The following TCF12 variants were observed in gnomAD, a reference collection of about 807,000 sequenced individuals.
The protein encoded by TCF12 is transcription factor 12, also known as DNA-binding protein HTF4.
A neutral mutation model predicts 86.0 loss-of-function variants in TCF12; 45 were observed. The observed-to-expected ratio is 0.52, with a 90% CI of 0.41 to 0.67. The LOEUF is 0.67. Ranked by LOEUF, TCF12 falls within the 30% of genes least tolerant of loss-of-function variation. The probability of loss-of-function intolerance (pLI) is 0.00; values close to 1 mark genes in which losing one functional copy is unlikely to be tolerated. For synonymous variants in TCF12, 330 were observed against 299.6 expected (o/e 1.10, Z -1.05); for missense variants, 881 against 859.9 (o/e 1.02, Z -0.31).
chr15:56,923,496 A>G (rs578017354), intron 3 of TCF12, among the ~76,000 whole-genome samples: 22 of 152,236 alleles, frequency 1.4e-4, no homozygotes, highest in African/African-American at 4.6e-4. Context: ...ACTTGGTATG[A>G]TAGGCTCTGT....
intron 3 of TCF12, among the ~76,000 whole-genome samples, chr15:57,002,610 T>C (rs192875861): frequency 4.6e-5 from 7 of 152,328 alleles, no homozygotes; most frequent in Admixed American, 4.6e-4. Flanking sequence ...GCATGTCATT[T>C]CTAGATTCCC....
chr15:57,234,746 T>C (rs552570493), intron 12 of TCF12, among the ~76,000 whole-genome samples: 11 of 152,354 alleles, frequency 7.2e-5, no homozygotes, highest in Admixed American at 5.2e-4. Context: ...ATGCCAAAAC[T>C]AGAAGGGAGA....
intron 5 of TCF12, among the ~76,000 whole-genome samples, chr15:57,114,729 A>T (rs2050725649): frequency 6.6e-6 from 1 of 152,214 alleles, no homozygotes; most frequent in Non-Finnish European, 1.5e-5. Flanking sequence ...ATTTCACAAA[A>T]ATCTCAATGT....
chr15:57,260,890 A>G (rs1486653625), intron 16 of TCF12, among the ~76,000 whole-genome samples: 1 of 152,198 alleles, frequency 6.6e-6, no homozygotes, highest in Non-Finnish European at 1.5e-5. Context: ...TCTTGAATAC[A>G]ATTTTCACAG....
chr15:57,150,430 T>G (rs1425660341), intron 5 of TCF12, among the ~76,000 whole-genome samples: 1 of 152,164 alleles, frequency 6.6e-6, no homozygotes, highest in African/African-American at 2.4e-5. Flanking sequence ...GAATTAGACC[T>G]GGACTAAAGG....
intron 5 of TCF12, among the ~76,000 whole-genome samples, chr15:57,154,707 C>T (rs544543516): frequency 2.6e-5 from 4 of 152,052 alleles, no homozygotes; most frequent in Middle Eastern, 3.4e-3. Flanking sequence ...AGAGTGACGC[C>T]GTTAAATTTT....
At chr15:57,152,960 C>G (rs2053870409) in intron 5 of TCF12, among the ~76,000 whole-genome samples, 1 of 151,992 alleles carries the variant, frequency 6.6e-6, no homozygotes, top group East Asian at 1.9e-4. Context: ...AAAAAAAACA[C>G]ATCATGTATA....
At chr15:57,069,657 A>T (rs1164299054) in intron 4 of TCF12, among the ~76,000 whole-genome samples, 1 of 152,200 alleles carries the variant, frequency 6.6e-6, no homozygotes, top group Non-Finnish European at 1.5e-5. Flanking sequence ...AGGCTATGTG[A>T]CTAGTTAATG....
intron 13 of TCF12, among the ~76,000 whole-genome samples, chr15:57,249,598 ATAAT>A (rs1477111340): frequency 3.9e-5 from 6 of 152,158 alleles, no homozygotes; most frequent in Non-Finnish European, 1.5e-5. Flanking sequence ...ACATTGTTTC[ATAAT>A]TAAATAGTCT....
At chr15:56,998,379 C>G (rs2063823363) in intron 3 of TCF12, among the ~76,000 whole-genome samples, 1 of 151,220 alleles carries the variant, frequency 6.6e-6, no homozygotes. Context: ...ATTGCTTGAA[C>G]CCAGGAGGTG....
intron 5 of TCF12, among the ~76,000 whole-genome samples, chr15:57,117,111 TTTC>T (rs1242091596): frequency 2.6e-5 from 4 of 152,128 alleles, no homozygotes; most frequent in Non-Finnish European, 5.9e-5. Flanking sequence ...CCTTTTTTTT[TTTC>T]TTTCTTTTTC....
intron 6 of TCF12, among the ~76,000 whole-genome samples, chr15:57,185,947 GAAAA>G (rs1289218778): frequency 2.0e-5 from 3 of 151,306 alleles, no homozygotes; most frequent in Admixed American, 6.6e-5. Context: ...GATTGACTGA[GAAAA>G]AAAAGAACAG....
Position 56,940,622 on chromosome 15 carries a change from C to CCTCCTTCTCCCTCTCCTT in TCF12, c.148+19542_148+19559dup, listed in dbSNP as rs1449579181. Among the ~76,000 whole-genome samples the CCTCCTTCTCCCTCTCCTT allele has an allele frequency of 7.4e-5, 11 of 148,618 alleles. No homozygotes were observed. In the South Asian group the frequency reaches 8.7e-4, roughly 12 times the overall value. On this transcript the variant is annotated intron_variant, in intron 3 of 20. Transcript: ENST00000333725. ...TCCTTCTCCTCCTTCTTCTCCCTCTCCTCCTTCTCCCTCTCCTTCTCCTTC... is the reference window on the plus strand; with the variant it reads ...TCCTTCTCCTCCTTCTTCTCCCTCTCCTCCTTCTCCCTCTCCTTCTCCTTCTCCCTCTCCTTCTCCTTC...
chr15:57,160,504 C>T (rs770831786), intron 5 of TCF12, among the ~76,000 whole-genome samples: 2 of 152,206 alleles, frequency 1.3e-5, no homozygotes, highest in Non-Finnish European at 2.9e-5. Context: ...CCATATCAGG[C>T]ACCTTCTAAC....
chr15:57,116,379 G>C (rs1314248215), intron 5 of TCF12, among the ~76,000 whole-genome samples: 3 of 151,926 alleles, frequency 2.0e-5, no homozygotes, highest in Non-Finnish European at 4.4e-5. Flanking sequence ...TTTTGAGACA[G>C]GTTCTGGCTC....
intron 3 of TCF12, among the ~76,000 whole-genome samples, chr15:57,061,552 A>G (rs945040764): frequency 1.3e-5 from 2 of 152,232 alleles, no homozygotes; most frequent in South Asian, 2.1e-4. Flanking sequence ...GCAGTGAGCT[A>G]TCATCATGCC....
chr15:57,059,224 G>A (rs765479446), intron 3 of TCF12, among the ~76,000 whole-genome samples: 28 of 152,152 alleles, frequency 1.8e-4, no homozygotes, highest in African/African-American at 6.5e-4. Flanking sequence ...GTGCACCAGC[G>A]GGTGGGGGGA....
chr15:57,283,901 AT>A (rs2061814408), intron 20 of TCF12, among the ~76,000 whole-genome samples: 1 of 152,192 alleles, frequency 6.6e-6, no homozygotes, highest in South Asian at 2.1e-4. Context: ...CACAAAGAAG[AT>A]TTCATTTAGG....
chr15:56,956,766 A>G (rs981270153), intron 3 of TCF12, among the ~76,000 whole-genome samples: 2 of 152,110 alleles, frequency 1.3e-5, no homozygotes, highest in Non-Finnish European at 2.9e-5. Context: ...TTATTCCTCT[A>G]TATAAAGTGT....
Sources: allele counts gnomAD v4.1 joint callset (sites outside exome capture counted in the v4.1 genomes callset), GRCh38; gene constraint gnomAD v4.1.1; transcripts MANE v1.5; gene names NCBI Gene and HGNC (gene_info 2026-07-23, HGNC 2026-07-21).